The following ANO3 variants were observed in gnomAD, a reference collection of about 807,000 sequenced individuals.
ANO3 encodes anoctamin 3, also known as anoctamin-3.
ANO3 carries 99 observed loss-of-function variants against 144.8 expected under a neutral mutation model. The observed-to-expected ratio is 0.68, with a 90% CI of 0.58 to 0.81. The LOEUF (loss-of-function observed/expected upper bound fraction) is 0.81. Ranked by LOEUF, ANO3 falls within the 30% of genes least tolerant of loss-of-function variation. The pLI, the probability that ANO3 is intolerant of heterozygous loss-of-function variation, is 0.00. For synonymous variants in ANO3, 414 were observed against 392.6 expected (o/e 1.05, Z -0.64); for missense variants, 905 against 1,202.2 (o/e 0.75, Z 3.66).
chr11:26,240,738 G>A (rs1023252247), intron 1 of ANO3, among the ~76,000 whole-genome samples: 4 of 152,126 alleles, frequency 2.6e-5, no homozygotes, highest in South Asian at 4.2e-4. Flanking sequence ...ATAGTGACTT[G>A]ATAACTCCCT....
upstream of ANO3, among the ~76,000 whole-genome samples, chr11:26,305,764 T>C (rs2133866410): frequency 6.6e-6 from 1 of 152,348 alleles, no homozygotes; most frequent in Non-Finnish European, 1.5e-5. Flanking sequence ...TTGAAATTGA[T>C]ATAGTTATAC....
chr11:26,376,367 C>G (rs545471560), intron 1 of ANO3, among the ~76,000 whole-genome samples: 1 of 152,226 alleles, frequency 6.6e-6, no homozygotes, highest in Non-Finnish European at 1.5e-5. Flanking sequence ...ACTCACATCA[C>G]AGGTAAATAA....
chr11:26,583,616 G>A (rs150201618), intron 14 of ANO3, among the ~76,000 whole-genome samples: 128 of 152,308 alleles, frequency 8.4e-4, no homozygotes, highest in African/African-American at 3.0e-3. Flanking sequence ...CAAAAAGACC[G>A]AGGAATTTTC....
chr11:26,641,419 A>AT (rs879502253), intron 21 of ANO3, among the ~76,000 whole-genome samples: 1 of 152,118 alleles, frequency 6.6e-6, no homozygotes, highest in Non-Finnish European at 1.5e-5. Flanking sequence ...GTGAAACATG[A>AT]TTTTTTTCCT....
At chr11:26,427,672 C>A (rs902108685) in intron 1 of ANO3, among the ~76,000 whole-genome samples, 5 of 152,074 alleles carry the variant, frequency 3.3e-5, no homozygotes, top group African/African-American at 9.7e-5. Flanking sequence ...AACTTGAATA[C>A]AACTAGTAAT....
At chr11:26,324,810 T>C (rs114723534) in intron 1 of ANO3, among the ~76,000 whole-genome samples, 11 of 152,288 alleles carry the variant, frequency 7.2e-5, no homozygotes, top group African/African-American at 2.6e-4. Flanking sequence ...AAAATACTAA[T>C]ATTACCGTTA....
chr11:26,613,507 C>A (rs956104733), intron 17 of ANO3, among the ~76,000 whole-genome samples: 1 of 152,046 alleles, frequency 6.6e-6, no homozygotes. Context: ...TCTTTGGGGT[C>A]TGTTACTAGA....
At chr11:26,414,753 A>C (rs1359840321) in intron 1 of ANO3, among the ~76,000 whole-genome samples, 2 of 134,802 alleles carry the variant, frequency 1.5e-5, no homozygotes, top group Non-Finnish European at 3.2e-5. Context: ...AACTTACAGT[A>C]AAGTTAAAAA....
chr11:26,228,377 T>C (rs1479631980), intron 1 of ANO3, among the ~76,000 whole-genome samples: 5 of 152,368 alleles, frequency 3.3e-5, no homozygotes, highest in Admixed American at 1.3e-4. Context: ...CTGTGCTCCT[T>C]TTACTATAAG....
At chr11:26,444,643 G>A (rs1056915487) in intron 3 of ANO3, among the ~76,000 whole-genome samples, 3 of 152,126 alleles carry the variant, frequency 2.0e-5, no homozygotes, top group South Asian at 2.1e-4. Flanking sequence ...ATTAGTATAC[G>A]TACTTTTAAC....
intron 1 of ANO3, among the ~76,000 whole-genome samples, chr11:26,290,092 G>A (rs188103012): frequency 1.3e-5 from 2 of 152,162 alleles, no homozygotes; most frequent in East Asian, 3.9e-4. Context: ...TTCAGAGCCT[G>A]TTATTGGTCT....
intron 7 of ANO3, among the ~76,000 whole-genome samples, chr11:26,525,997 T>A (rs2134168582): frequency 6.6e-6 from 1 of 152,236 alleles, no homozygotes; most frequent in Middle Eastern, 3.4e-3. Context: ...AATGTTTAAA[T>A]GATGACCCAC....
chr11:26,488,796 G>A (rs1222789947), intron 4 of ANO3, among the ~76,000 whole-genome samples: 1 of 152,148 alleles, frequency 6.6e-6, no homozygotes, highest in Non-Finnish European at 1.5e-5. Flanking sequence ...AAAGAACAAA[G>A]CTTCCACAGC....
rs1003944424 is a variant in ANO3 at position 26,266,817 on chromosome 11, C to T, written c.155-42828C>T. Among the ~76,000 whole-genome samples, 11 of 151,110 alleles carry T rather than the reference C, an allele frequency of 7.3e-5. No homozygotes were observed. In the East Asian group the frequency reaches 2.0e-3, roughly 27 times the overall value. ...AGACTTTCAGCCGGGTGTGGTGGCT[C>T]ACATCTGTAATCCCAGCACTTTGGG... is the stretch of plus-strand genomic sequence containing the variant. On this transcript the variant is annotated intron_variant, in intron 1 of 27. Transcript: ENST00000672621.
At chr11:26,324,789 C>T (rs528099161) in intron 1 of ANO3, among the ~76,000 whole-genome samples, 11 of 152,126 alleles carry the variant, frequency 7.2e-5, no homozygotes, top group East Asian at 1.9e-4. Flanking sequence ...CATGTAACAA[C>T]GAAAATACAC....
At chr11:26,590,272 C>G (rs1040413101) in intron 14 of ANO3, among the ~76,000 whole-genome samples, 12 of 152,184 alleles carry the variant, frequency 7.9e-5, no homozygotes, top group Admixed American at 5.9e-4. Context: ...AGTATCAGGC[C>G]TTTTATGGCG....
chr11:26,540,889 G>C (rs935020922), intron 10 of ANO3, among the ~76,000 whole-genome samples: 2 of 152,078 alleles, frequency 1.3e-5, no homozygotes, highest in South Asian at 2.1e-4. Flanking sequence ...ACAGAGTAGC[G>C]ATCCTTCAAG....
intron 1 of ANO3, among the ~76,000 whole-genome samples, chr11:26,338,389 C>CAGAGT (rs1564971651): frequency 6.6e-6 from 1 of 152,136 alleles, no homozygotes; most frequent in Admixed American, 6.5e-5. Flanking sequence ...GGATTATAAA[C>CAGAGT]GCAGCAATCA....
At chr11:26,209,930 T>A (rs1564918093) in intron 1 of ANO3, among the ~76,000 whole-genome samples, 1 of 143,618 alleles carries the variant, frequency 7.0e-6, no homozygotes, top group Non-Finnish European at 1.6e-5. Flanking sequence ...GCTCCCATTC[T>A]GTAGGTTGCC....
Sources: allele counts gnomAD v4.1 joint callset (sites outside exome capture counted in the v4.1 genomes callset), GRCh38; gene constraint gnomAD v4.1.1; transcripts MANE v1.5; gene names NCBI Gene and HGNC (gene_info 2026-07-23, HGNC 2026-07-21).